PARP8: variants seen among roughly 807,000 people sequenced by gnomAD.
The protein encoded by PARP8 is poly(ADP-ribose) polymerase family member 8, also known as protein mono-ADP-ribosyltransferase PARP8.
In PARP8, 51 loss-of-function variants were observed where a neutral mutation model predicts 124.1. The ratio of observed to expected loss-of-function variants is 0.41; its 90% CI spans 0.33 to 0.52. PARP8 has a LOEUF of 0.52. Ranked by LOEUF, PARP8 falls within the 20% of genes least tolerant of loss-of-function variation. The probability of loss-of-function intolerance (pLI) is 0.21; values close to 1 mark genes in which losing one functional copy is unlikely to be tolerated. For synonymous variants in PARP8, 391 were observed against 361.5 expected (o/e 1.08, Z -0.93); for missense variants, 860 against 1,018.9 (o/e 0.84, Z 2.12).
chr5:50,678,827 G>A (rs1258272789), intron 2 of PARP8, among the ~76,000 whole-genome samples: 1 of 152,096 alleles, frequency 6.6e-6, no homozygotes, highest in Non-Finnish European at 1.5e-5. Flanking sequence ...TACATATGCA[G>A]ACAGTGTTCA....
At chr5:50,667,434 G>C in intron 1 of PARP8, 1 of 701,070 alleles carries the variant, frequency 1.4e-6, no homozygotes, top group East Asian at 2.7e-5. Flanking sequence ...TGGCCGGAGC[G>C]GGGGTCTAGG....
intron 25 of PARP8, among the ~76,000 whole-genome samples, chr5:50,837,796 A>T (rs1413563578): frequency 6.8e-6 from 1 of 147,638 alleles, no homozygotes; most frequent in African/African-American, 2.5e-5. Flanking sequence ...GATATCAATT[A>T]AAAAAAAAAG....
intron 9 of PARP8, among the ~76,000 whole-genome samples, chr5:50,779,640 G>C (rs1404653930): frequency 6.6e-6 from 1 of 152,200 alleles, no homozygotes; most frequent in Non-Finnish European, 1.5e-5. Context: ...ATTGTATTCT[G>C]TTGATCACAG....
Position 50,769,938 on chromosome 5 carries a change from T to C in PARP8, c.518+6696T>C, listed in dbSNP as rs73101079. Among the ~76,000 whole-genome samples the C allele has an allele frequency of 9.1e-4, 139 of 152,198 alleles. 1 individual carries two copies. Among genetic ancestry groups the C allele is most frequent in the African/African-American group, 3.2e-3 (134 of 41,568 alleles). On this transcript the variant is annotated intron_variant, in intron 7 of 25. Coordinates refer to ENST00000281631, the MANE Select transcript of PARP8 (RefSeq NM_024615.4). Reference sequence around the variant, plus strand: ...TAGGCATATGTTTTTAGAAAATACATAACATTTTTCATAAAATAAGTTTTA... The same window carrying C: ...TAGGCATATGTTTTTAGAAAATACACAACATTTTTCATAAAATAAGTTTTA...
intron 14 of PARP8, among the ~76,000 whole-genome samples, chr5:50,815,172 C>T (rs1194460059): frequency 2.0e-5 from 3 of 152,050 alleles, no homozygotes; most frequent in Non-Finnish European, 4.4e-5. Context: ...GATATTTTTA[C>T]TGCTAAATTG....
intron 2 of PARP8, among the ~76,000 whole-genome samples, chr5:50,707,812 A>G (rs565550253): frequency 6.6e-6 from 1 of 152,216 alleles, no homozygotes; most frequent in South Asian, 2.1e-4. Context: ...TCTTATATCA[A>G]CCTTATTTAA....
At chr5:50,752,850 C>T (rs919988515) in intron 3 of PARP8, among the ~76,000 whole-genome samples, 3 of 151,938 alleles carry the variant, frequency 2.0e-5, no homozygotes, top group African/African-American at 7.2e-5. Flanking sequence ...CAGTATTATC[C>T]TCCAAAGTCA....
chr5:50,672,063 A>G (rs1472635188), intron 2 of PARP8, among the ~76,000 whole-genome samples: 3 of 152,178 alleles, frequency 2.0e-5, no homozygotes, highest in Non-Finnish European at 2.9e-5. Context: ...GAGCCTTTGC[A>G]CATGCTGCCT....
chr5:50,795,666 A>G (rs991114169), intron 12 of PARP8, among the ~76,000 whole-genome samples: 3 of 152,226 alleles, frequency 2.0e-5, no homozygotes, highest in African/African-American at 7.2e-5. Context: ...TGTCATAGTA[A>G]CAAATGCTAC....
At chr5:50,820,653 C>A (rs1226093289) in intron 15 of PARP8, among the ~76,000 whole-genome samples, 1 of 152,176 alleles carries the variant, frequency 6.6e-6, no homozygotes, top group African/African-American at 2.4e-5. Flanking sequence ...TCTTTTCCTG[C>A]ACATGGGGCT....
chr5:50,740,675 T>C (rs759574768), intron 2 of PARP8, among the ~76,000 whole-genome samples: 10 of 152,062 alleles, frequency 6.6e-5, no homozygotes, highest in Admixed American at 2.0e-4. Context: ...TAGCAAGGCA[T>C]GGTGACTTGG....
At chr5:50,794,630 A>AC (rs1296261497) in intron 11 of PARP8, among the ~76,000 whole-genome samples, 1 of 151,972 alleles carries the variant, frequency 6.6e-6, no homozygotes, top group African/African-American at 2.4e-5. Flanking sequence ...GATAGGAGGG[A>AC]AAAAAAATCT....
chr5:50,787,018 G>A (rs763123352), intron 9 of PARP8, among the ~76,000 whole-genome samples: 9 of 152,062 alleles, frequency 5.9e-5, no homozygotes, highest in African/African-American at 1.2e-4. Context: ...TTTCAAACCT[G>A]TGTCTCCTGC....
chr5:50,694,983 C>A (rs1318727627), intron 2 of PARP8, among the ~76,000 whole-genome samples: 1 of 152,144 alleles, frequency 6.6e-6, no homozygotes, highest in Non-Finnish European at 1.5e-5. Context: ...CTGGAAGATT[C>A]AGCAAGTCGG....
intron 10 of PARP8, among the ~76,000 whole-genome samples, chr5:50,791,817 A>G (rs1741989700): frequency 6.6e-6 from 1 of 152,198 alleles, no homozygotes; most frequent in African/African-American, 2.4e-5. Context: ...AATTTTTTGT[A>G]TGTAGAGCTC....
intron 2 of PARP8, among the ~76,000 whole-genome samples, chr5:50,671,624 G>GTCTA (rs1750028601): frequency 6.6e-6 from 1 of 151,812 alleles, no homozygotes; most frequent in Non-Finnish European, 1.5e-5. Flanking sequence ...ATTTTTATGT[G>GTCTA]TCTATATACA....
Position 50,791,192 on chromosome 5 carries a change from G to A in PARP8, c.737+2603G>A, listed in dbSNP as rs181290113. On this transcript the variant is annotated intron_variant, in intron 10 of 25. Coordinates refer to ENST00000281631, the MANE Select transcript of PARP8 (RefSeq NM_024615.4). ...TTTTTTCTGGTGATTTCAGACAGCA[G>A]AATAATTTTATCAACAATAGCAACA... 5.9e-4 allele frequency among the ~76,000 whole-genome samples: 90 copies of A among 152,192 alleles called. 4 individuals carry two copies. In the East Asian group the frequency reaches 0.015, roughly 25 times the overall value.
At chr5:50,692,816 T>C (rs889256633) in intron 2 of PARP8, among the ~76,000 whole-genome samples, 1 of 152,210 alleles carries the variant, frequency 6.6e-6, no homozygotes, top group Admixed American at 6.5e-5. Context: ...CTTGGCACCT[T>C]GTGTGATCTG....
chr5:50,672,710 T>C (rs1750169242), intron 2 of PARP8, among the ~76,000 whole-genome samples: 1 of 152,142 alleles, frequency 6.6e-6, no homozygotes, highest in African/African-American at 2.4e-5. Flanking sequence ...AAGCAAACTT[T>C]CTAGGGGCCC....
Sources: gnomAD v4.1 joint callset for allele counts (sites outside exome capture counted in the v4.1 genomes callset) on GRCh38, gnomAD v4.1.1 for gene constraint, MANE v1.5 for transcripts, NCBI Gene and HGNC (gene_info 2026-07-23, HGNC 2026-07-21) for gene names.